The following SOX6 variants were observed in gnomAD, a reference collection of about 807,000 sequenced individuals.
SOX6 encodes the protein SRY-box transcription factor 6.
In SOX6, 11 loss-of-function variants were observed where a neutral mutation model predicts 97.8. The ratio of observed to expected loss-of-function variants is 0.11; its 90% CI spans 0.07 to 0.19. SOX6 has a LOEUF of 0.19. Among genes scored for constraint, SOX6 ranks in the 10% least tolerant of loss-of-function variants. SOX6 has a pLI of 1.00. For synonymous variants in SOX6, 360 were observed against 371.4 expected (o/e 0.97, Z 0.35); for missense variants, 810 against 1,039.5 (o/e 0.78, Z 3.04).
Position 16,315,340 on chromosome 11 carries a change from A to T in SOX6, c.445+3106T>A, listed in dbSNP as rs543657729. 2.0e-5 allele frequency: 3 copies of T among 152,326 alleles called. No individual in the cohort carries two copies. The South Asian group carries it at 6.2e-4, about 32-fold the overall frequency. 9.4% of individuals were successfully genotyped at this position (152,326 alleles called of 1,614,324 possible). On this transcript the variant is annotated intron_variant, in intron 3 of 15. Coordinates refer to ENST00000683767, the MANE Select transcript of SOX6 (RefSeq NM_001367873.1). ...TAGACTATCAAAGGGATTCACAGAA[A>T]GAAAAATTAAGAATCCTTGAGTTTT...
At position 15,971,663 on chromosome 11, in the gene SOX6, G is replaced by A. The variant is rs1853317992; in HGVS notation, c.*1146C>T. On this transcript the variant is annotated 3_prime_UTR_variant, in exon 16 of 16. Transcript: ENST00000683767. ...ATACTCATGATTAAAAACAATAATA[G>A]GTTTTTAATAATATCTTGGTTTCAG... is the stretch of plus-strand genomic sequence containing the variant. 1 of 152,606 alleles carries A rather than the reference G, an allele frequency of 6.6e-6. No homozygotes were observed. The highest frequency in any genetic ancestry group is 1.5e-5 in the Non-Finnish European group (1 of 68,026). 9.5% of individuals were successfully genotyped at this position (152,606 alleles called of 1,614,324 possible). A position where few individuals can be genotyped will look rare whatever the true frequency, so the allele number is the denominator to read the frequency against.
intron 4 of SOX6, among the ~76,000 whole-genome samples, chr11:16,188,058 A>G (rs780609730): frequency 6.6e-5 from 10 of 152,108 alleles, no homozygotes; most frequent in Non-Finnish European, 1.2e-4. Context: ...CCCAGAAAAT[A>G]TTTTAATTAT....
intron 2 of SOX6, among the ~76,000 whole-genome samples, chr11:16,731,286 C>A (rs1848347771): frequency 6.6e-6 from 1 of 151,954 alleles, no homozygotes; most frequent in African/African-American, 2.4e-5. Context: ...GGCAGAGACA[C>A]AACAAAAAAA....
chr11:16,601,789 C>CAAATAGA (rs748463533), intron 4 of SOX6, among the ~76,000 whole-genome samples: 1 of 151,868 alleles, frequency 6.6e-6, no homozygotes, highest in Non-Finnish European at 1.5e-5. Flanking sequence ...TAAAAAAGGT[C>CAAATAGA]AAATAGAAAC....
intron 2 of SOX6, among the ~76,000 whole-genome samples, chr11:16,730,969 C>T (rs753667277): frequency 6.6e-6 from 1 of 152,120 alleles, no homozygotes; most frequent in Non-Finnish European, 1.5e-5. Context: ...ACTACAAACA[C>T]CTCTACATAA....
At chr11:16,067,124 T>C (rs1053001779) in intron 9 of SOX6, among the ~76,000 whole-genome samples, 3 of 152,200 alleles carry the variant, frequency 2.0e-5, no homozygotes, top group Non-Finnish European at 2.9e-5. Context: ...TTGCCTTGTT[T>C]CAGGTGAGAC....
At chr11:16,422,384 T>C (rs1232128060) in intron 1 of SOX6, among the ~76,000 whole-genome samples, 7 of 152,206 alleles carry the variant, frequency 4.6e-5, no homozygotes, top group Non-Finnish European at 7.4e-5. Flanking sequence ...AGGATTGACA[T>C]AAAATAGTTT....
chr11:16,272,306 G>T (rs1189182629), intron 3 of SOX6, among the ~76,000 whole-genome samples: 1 of 151,544 alleles, frequency 6.6e-6, no homozygotes, highest in Non-Finnish European at 1.5e-5. Flanking sequence ...ACCAAAAAAA[G>T]GGGGGAAGAT....
chr11:16,119,693 A>G (rs1000825462), intron 6 of SOX6, among the ~76,000 whole-genome samples: 7 of 152,158 alleles, frequency 4.6e-5, no homozygotes, highest in South Asian at 2.1e-4. Context: ...CTGACCACCA[A>G]TTTTCATAGG....
At chr11:16,306,324 A>G (rs904455138) in intron 3 of SOX6, among the ~76,000 whole-genome samples, 7 of 152,272 alleles carry the variant, frequency 4.6e-5, no homozygotes, top group South Asian at 2.1e-4. Context: ...AGCAAACAGC[A>G]TAATTAGGAT....
At chr11:16,457,999 C>T (rs1312428646) in intron 1 of SOX6, among the ~76,000 whole-genome samples, 2 of 151,948 alleles carry the variant, frequency 1.3e-5, no homozygotes, top group African/African-American at 2.4e-5. Flanking sequence ...ATGATGATGA[C>T]GATGATGATA....
intron 12 of SOX6, among the ~76,000 whole-genome samples, chr11:16,031,067 AG>A (rs1855360041): frequency 6.6e-6 from 1 of 152,172 alleles, no homozygotes; most frequent in South Asian, 2.1e-4. Context: ...CTAATTCGTA[AG>A]GCACAATCAT....
intron 1 of SOX6, among the ~76,000 whole-genome samples, chr11:16,378,778 T>C (rs1475143568): frequency 6.6e-6 from 1 of 152,054 alleles, no homozygotes; most frequent in Non-Finnish European, 1.5e-5. Flanking sequence ...GATTTGATTT[T>C]CTAAAAATTT....
chr11:16,465,786 A>G (rs1270540252), intron 1 of SOX6: 2 of 152,230 alleles, frequency 1.3e-5, no homozygotes, highest in Non-Finnish European at 2.9e-5. Flanking sequence ...TAATGAATTC[A>G]TTCACTTAAG....
At chr11:16,480,383 C>G (rs1292754223), upstream of SOX6, among the ~76,000 whole-genome samples, 1 of 151,150 alleles carries the variant, frequency 6.6e-6, no homozygotes, top group African/African-American at 2.4e-5. Context: ...GGAGCAAAAG[C>G]CAAATATTAA....
In SOX6 at chr11:15,986,305, C is replaced by T. The variant is rs552585211; in HGVS notation, c.2082G>A (p.Pro694=). ...TGCCATCAACAATGCAGGTGCGTTT[C>T]GGTCGGGGTTTGTATTTATAGTTTG... ...KYPNYKYKPR[P]KRTCIVDGKK... Residue 694 remains proline, a synonymous_variant, in exon 15 of 16, where the codon CCG becomes CCA. Coordinates refer to ENST00000683767, the MANE Select transcript of SOX6 (RefSeq NM_001367873.1). 9 of 1,614,080 alleles carry T rather than the reference C, an allele frequency of 5.6e-6. No individual in the cohort carries two copies. Among genetic ancestry groups the T allele is most frequent in the East Asian group, 4.5e-5 (2 of 44,878 alleles).
At chr11:16,646,287 C>T (rs11024008) in intron 3 of SOX6, 50,554 of 151,872 alleles carry the variant, frequency 0.33, 9,374 homozygotes, top group Non-Finnish European at 0.42. Context: ...AAGTCAATGG[C>T]GAAGAGAAGC....
At chr11:16,565,109 T>A (rs1056298519) in intron 4 of SOX6, among the ~76,000 whole-genome samples, 1 of 152,066 alleles carries the variant, frequency 6.6e-6, no homozygotes, top group Non-Finnish European at 1.5e-5. Context: ...ATATTAGTAA[T>A]GAAATAGGGG....
At chr11:16,737,999 G>T (rs1848407086) in intron 1 of SOX6, among the ~76,000 whole-genome samples, 1 of 152,044 alleles carries the variant, frequency 6.6e-6, no homozygotes, top group Non-Finnish European at 1.5e-5. Flanking sequence ...CCACAGCGAG[G>T]TCAGTGAGGA....
Sources: allele counts gnomAD v4.1 joint callset (sites outside exome capture counted in the v4.1 genomes callset), GRCh38; gene constraint gnomAD v4.1.1; transcripts MANE v1.5; gene names NCBI Gene and HGNC (gene_info 2026-07-23, HGNC 2026-07-21).